The following COL3A1 variants were observed in gnomAD, a reference collection of about 807,000 sequenced individuals.
COL3A1 encodes the protein collagen type III alpha 1 chain, also known as collagen alpha-1(III) chain.
Under a neutral mutation model 200.9 loss-of-function variants are expected in COL3A1, and 46 were observed. The observed-to-expected ratio is 0.23, with a 90% CI of 0.18 to 0.29. COL3A1 has a LOEUF of 0.29. Ranked by LOEUF, COL3A1 falls within the 10% of genes least tolerant of loss-of-function variation. The pLI is 1.00. For missense variants in COL3A1, 1,367 were observed against 1,917.6 expected, an observed-to-expected ratio of 0.71 and a Z score of 5.36; for synonymous variants, 650 against 628.0, an observed-to-expected ratio of 1.03 and a Z score of -0.52.
intron 40 of COL3A1, 93 bp from the exon 41 acceptor site, chr2:189,005,257 A>G: frequency 8.7e-7 from 1 of 1,151,752 alleles, no homozygotes; most frequent in Non-Finnish European, 1.3e-6. Context: ...TAAATAAAAT[A>G]AGTTTTTTAC....
Position 188,988,961 on chromosome 2 carries a change from GATAA to G in COL3A1, c.636+322_636+325del, listed in dbSNP as rs1208419129. ...TCAGTTCACTCATATCTAATCTACT[GATAA>G]ATATAGTTATATATTTACATATGTA... is the stretch of plus-strand genomic sequence containing the variant. On this transcript the variant is annotated intron_variant, in intron 7 of 50. Coordinates refer to ENST00000304636, the MANE Select transcript of COL3A1 (RefSeq NM_000090.4). 2.0e-5 allele frequency among the ~76,000 whole-genome samples: 3 copies of G among 151,212 alleles called. No individual in the cohort carries two copies. The East Asian group carries it at 5.8e-4, about 29-fold the overall frequency.
chr2:188,990,564 A>G (rs778970561), intron 10 of COL3A1, among the ~76,000 whole-genome samples: 1 of 152,166 alleles, frequency 6.6e-6, no homozygotes, highest in Non-Finnish European at 1.5e-5. Flanking sequence ...TGTATAAAGT[A>G]CTCTTGAAAA....
Position 189,008,912 on chromosome 2 carries a change from T to TA in COL3A1, c.3526-11dup. ...GTGCATACCTCAATGATCCATGTTT[T>TA]ACTCATTCTAGGGCTCCCCAGGCCA... On this transcript the variant is annotated splice_polypyrimidine_tract_variant and intron_variant, in intron 47 of 50. Transcript: ENST00000304636. 6.2e-7 allele frequency: 1 copy of TA among 1,613,090 alleles called. No homozygotes were observed. Among genetic ancestry groups the TA allele is most frequent in the South Asian group, 1.1e-5 (1 of 91,060 alleles).
intron 48 of COL3A1, 79 bp from the exon 49 acceptor site, chr2:189,010,099 G>A: frequency 2.2e-6 from 3 of 1,341,598 alleles, no homozygotes; most frequent in Non-Finnish European, 3.2e-6. Flanking sequence ...CATTATGAAT[G>A]CCTTTACAGG....
intron 31 of COL3A1, 94 bp from the exon 32 acceptor site, chr2:188,999,748 A>G (rs1035248405): frequency 2.2e-6 from 3 of 1,394,464 alleles, no homozygotes; most frequent in African/African-American, 2.9e-5. Flanking sequence ...AACACCCAAT[A>G]TATATCCCTA....
At chr2:188,997,505 A>G in intron 26 of COL3A1, 116 bp downstream of exon 26, 1 of 1,258,596 alleles carries the variant, frequency 7.9e-7, no homozygotes, top group Admixed American at 1.8e-5. Context: ...CAAAGCAATG[A>G]TGAAACTTGC....
chr2:188,997,026 AGACATATATATATG>A (rs1688340839), intron 24 of COL3A1, 125 bp from the exon 25 acceptor site: 3 of 190,416 alleles, frequency 1.6e-5, no homozygotes, highest in Non-Finnish European at 2.8e-5. Context: ...TATATATATG[AGACATATATATATG>A]AGACATATAT....
At position 188,995,109 on chromosome 2, in the gene COL3A1, T is replaced by C. The variant is rs1576465669; in HGVS notation, c.1509+10T>C. On this transcript the variant is annotated intron_variant, in intron 21 of 50. Transcript: ENST00000304636. ...CATCCCAGGAGAAAAGGTAGATAAC[T>C]TTAGTTTCTATGTTCCTAAATGCTA... The C allele has an allele frequency of 7.4e-6, 12 of 1,613,750 alleles. No individual in the cohort carries two copies. The highest frequency in any genetic ancestry group is 1.0e-5 in the Non-Finnish European group (12 of 1,179,654).
Position 188,993,471 on chromosome 2 carries a change from A to T in COL3A1, c.1149+12A>T. The T allele has an allele frequency of 6.5e-7, 1 of 1,540,666 alleles. No homozygotes were observed. The highest frequency in any genetic ancestry group is 8.8e-7 in the Non-Finnish European group (1 of 1,137,860). ...CTCAAGGTCCTCCTGTAAGTATCAT[A>T]GTTGAGAGGGAGTAAGCATAGTTTC... On this transcript the variant is annotated intron_variant, in intron 16 of 50. Coordinates refer to ENST00000304636, the MANE Select transcript of COL3A1 (RefSeq NM_000090.4).
chr2:188,988,736 G>A (rs879259575), intron 7 of COL3A1, 93 bp downstream of exon 7: 4 of 855,340 alleles, frequency 4.7e-6, no homozygotes, highest in Admixed American at 2.3e-5. Context: ...TTTACAGAAT[G>A]AAGATTAAAT....
intron 28 of COL3A1, 79 bp from the exon 29 acceptor site, chr2:188,998,595 G>T (rs1688382149): frequency 1.4e-6 from 2 of 1,392,054 alleles, no homozygotes; most frequent in East Asian, 2.4e-5. Context: ...TTACATATTT[G>T]CTTATATTTA....
chr2:188,996,197 T>C lies in COL3A1; in HGVS notation c.1662+19T>C. 6.2e-7 allele frequency: 1 copy of C among 1,611,644 alleles called. No homozygotes were observed. The highest frequency in any genetic ancestry group is 8.5e-7 in the Non-Finnish European group (1 of 1,178,376). ...GCCTCCCGTATGTACATTTTTAAAA[T>C]CTCATTTTAAAAGGCCAGTTAAAAT... On this transcript the variant is annotated intron_variant, in intron 23 of 50. Coordinates refer to ENST00000304636, the MANE Select transcript of COL3A1 (RefSeq NM_000090.4).
intron 27 of COL3A1, 126 bp from the exon 28 acceptor site, chr2:188,998,140 G>A (rs754646267): frequency 9.6e-6 from 8 of 830,520 alleles, no homozygotes; most frequent in South Asian, 3.1e-5. Flanking sequence ...GTGGCACAAC[G>A]TTTCTACCCC....
chr2:188,976,402 T>C (rs1053939864), intron 1 of COL3A1, among the ~76,000 whole-genome samples: 10 of 152,148 alleles, frequency 6.6e-5, no homozygotes, highest in Non-Finnish European at 1.5e-4. Flanking sequence ...TGATATGTGT[T>C]TGTGTGTTCT....
At chr2:189,001,704 T>C (rs1281316848) in intron 34 of COL3A1, 115 bp downstream of exon 34, 3 of 1,049,186 alleles carry the variant, frequency 2.9e-6, no homozygotes, top group Non-Finnish European at 4.5e-6. Flanking sequence ...TTTGGAGATA[T>C]TATCTTCAAA....
chr2:189,005,320 AC>A, intron 40 of COL3A1, 29 bp from the exon 41 acceptor site: 1 of 1,580,666 alleles, frequency 6.3e-7, no homozygotes, highest in Non-Finnish European at 8.7e-7. Context: ...TTAAGTTGAA[AC>A]AAAATGTTTT....
intron 6 of COL3A1, 131 bp downstream of exon 6, chr2:188,988,265 G>A (rs1688104889): frequency 2.5e-6 from 2 of 814,868 alleles, no homozygotes; most frequent in Non-Finnish European, 4.2e-6. Context: ...CCAAGAAACT[G>A]ATTAAGGCTT....
chr2:189,011,654 A>G lies in COL3A1; in HGVS notation c.4281A>G (p.Thr1427=), dbSNP rs1553510001. ...AACACACTGGGGAATGGAGCAAAAC[A>G]GTCTTTGAATATCGAACACGCAAGG... ...CTKHTGEWSK[T]VFEYRTRKAV... Residue 1427 remains threonine, a synonymous_variant, in exon 51 of 51, where the codon ACA becomes ACG. Coordinates refer to ENST00000304636, the MANE Select transcript of COL3A1 (RefSeq NM_000090.4). 6.2e-7 allele frequency: 1 copy of G among 1,614,068 alleles called. No individual in the cohort carries two copies. Among genetic ancestry groups the G allele is most frequent in the Non-Finnish European group, 8.5e-7 (1 of 1,179,918 alleles).
Position 189,011,788 on chromosome 2 carries a change from T to C in COL3A1, c.*14T>C. On this transcript the variant is annotated 3_prime_UTR_variant, in exon 51 of 51. Transcript: ENST00000304636. ...TGCTTTTTATAAACCAAACTCTATCTGAAATCCCAACAAAAAAAATTTAAC... is the reference window on the plus strand; with the variant it reads ...TGCTTTTTATAAACCAAACTCTATCCGAAATCCCAACAAAAAAAATTTAAC... 6.2e-7 allele frequency: 1 copy of C among 1,613,848 alleles called. No homozygotes were observed. Among genetic ancestry groups the C allele is most frequent in the Non-Finnish European group, 8.5e-7 (1 of 1,179,768 alleles).
Sources: gnomAD v4.1 joint callset for allele counts (sites outside exome capture counted in the v4.1 genomes callset) on GRCh38, gnomAD v4.1.1 for gene constraint, MANE v1.5 for transcripts, NCBI Gene and HGNC (gene_info 2026-07-23, HGNC 2026-07-21) for gene names.